CAMTA1: variants seen among roughly 807,000 people sequenced by gnomAD.
CAMTA1 encodes the protein calmodulin binding transcription activator 1.
CAMTA1 carries 27 observed loss-of-function variants against 170.9 expected under a neutral mutation model. The ratio of observed to expected loss-of-function variants is 0.16; its 90% confidence interval spans 0.12 to 0.22. The LOEUF (loss-of-function observed/expected upper bound fraction) is 0.22. Among genes scored for constraint, CAMTA1 ranks in the 10% least tolerant of loss-of-function variants. The pLI is 1.00. For synonymous variants in CAMTA1, 833 were observed against 891.5 expected (o/e 0.93, Z 1.17); for missense variants, 1,619 against 2,217.2 (o/e 0.73, Z 5.42).
At position 7,171,974 on chromosome 1, in the gene CAMTA1, A is replaced by G. The variant is rs115001827; in HGVS notation, c.303-77517A>G. ...CCTCTTCGTGGTGGAATAATTGTCT[A>G]TTGTACTGGACCACATTTTGTTTAT... is the stretch of plus-strand genomic sequence containing the variant. On this transcript the variant is annotated intron_variant, in intron 4 of 22. Coordinates refer to ENST00000303635, the MANE Select transcript of CAMTA1 (RefSeq NM_015215.4). Among the ~76,000 whole-genome samples, 491 of 152,298 alleles carry G rather than the reference A, an allele frequency of 3.2e-3. 5 individuals are homozygous for G. Among genetic ancestry groups the G allele is most frequent in the African/African-American group, 0.011 (453 of 41,558 alleles).
chr1:7,352,173 G>A (rs2084730159), intron 5 of CAMTA1, among the ~76,000 whole-genome samples: 2 of 145,194 alleles, frequency 1.4e-5, no homozygotes, highest in African/African-American at 5.7e-5. Flanking sequence ...GAGAGAAGGA[G>A]GAAGTGGGCG....
chr1:6,876,404 C>T (rs1033227060), intron 3 of CAMTA1, among the ~76,000 whole-genome samples: 2 of 151,548 alleles, frequency 1.3e-5, no homozygotes, highest in Non-Finnish European at 2.9e-5. Context: ...TCTTGTCGCC[C>T]AGGCTGGAGT....
chr1:7,590,882 C>A (rs753972122), intron 6 of CAMTA1, among the ~76,000 whole-genome samples: 1 of 152,182 alleles, frequency 6.6e-6, no homozygotes, highest in African/African-American at 2.4e-5. Flanking sequence ...CCAGACAAAA[C>A]CTCTCTAATT....
At chr1:7,055,521 G>A (rs1254152278) in intron 3 of CAMTA1, among the ~76,000 whole-genome samples, 5 of 152,180 alleles carry the variant, frequency 3.3e-5, no homozygotes, top group South Asian at 2.1e-4. Flanking sequence ...CACAATACAC[G>A]TGTTAGACTG....
rs138252406 is a variant in CAMTA1, at chr1:7,650,023, C to T, written c.664+9470C>T. Among the ~76,000 whole-genome samples, 814 of 152,316 alleles carry T rather than the reference C, an allele frequency of 5.3e-3. 12 individuals are homozygous for T. The South Asian group carries it at 0.069, about 13-fold the overall frequency. ...GTGGACCGAGCCTGGCTTCCTGCGG[C>T]GCTACCTCCCCACACACCAGGAGGC... On this transcript the variant is annotated intron_variant, in intron 7 of 22. Transcript: ENST00000303635.
Position 7,234,172 on chromosome 1 carries a change from G to A in CAMTA1, c.303-15319G>A, listed in dbSNP as rs374188819. ...TTGGGGTGAGCCGCTCTCTCGCCCC[G>A]TCTCCTGCCCCTGCCCTGTTCTTTG... On this transcript the variant is annotated intron_variant, in intron 4 of 22. Coordinates refer to ENST00000303635, the MANE Select transcript of CAMTA1 (RefSeq NM_015215.4). This position sits in a 1 kb window ranked among gnomAD's most constrained non-coding sequence, Gnocchi z 5.0. 3.3e-5 allele frequency among the ~76,000 whole-genome samples: 5 copies of A among 152,078 alleles called. No individual in the cohort carries two copies. Among genetic ancestry groups the A allele is most frequent in the East Asian group, 3.9e-4 (2 of 5,182 alleles).
chr1:7,689,410 C>T (rs942403420), intron 11 of CAMTA1, among the ~76,000 whole-genome samples: 4 of 150,158 alleles, frequency 2.7e-5, no homozygotes, highest in East Asian at 4.0e-4. Flanking sequence ...CCTGTCTTGA[C>T]AAAAAATACA....
In CAMTA1 at chr1:6,807,138, G is replaced by A. The variant is rs1221173042; in HGVS notation, c.46-13043G>A. On this transcript the variant is annotated intron_variant, in intron 1 of 22. Coordinates refer to ENST00000303635, the MANE Select transcript of CAMTA1 (RefSeq NM_015215.4). ...ATTTGACTAATCTGCAAGGTTGGGG[G>A]AGGCTTCTTGAGAGCTCTGGAGGAA... The A allele has an allele frequency of 1.8e-5, 9 of 486,722 alleles. No homozygotes were observed. In the South Asian group the frequency reaches 2.8e-4, roughly 15 times the overall value. 30.2% of individuals were successfully genotyped at this position (486,722 alleles called of 1,614,324 possible).
intron 4 of CAMTA1, among the ~76,000 whole-genome samples, chr1:7,199,157 C>T (rs1573839076): frequency 5.0e-5 from 1 of 19,840 alleles, no homozygotes; most frequent in Admixed American, 3.6e-4. Context: ...TTTACTGATG[C>T]CCCCCCCAAC....
chr1:7,094,409 A>G (rs1308131268), intron 4 of CAMTA1, among the ~76,000 whole-genome samples: 1 of 152,250 alleles, frequency 6.6e-6, no homozygotes, highest in Non-Finnish European at 1.5e-5. Flanking sequence ...TGCCGCCGCC[A>G]CTGCTAATTT....
intron 3 of CAMTA1, among the ~76,000 whole-genome samples, chr1:6,954,023 C>G (rs918076571): frequency 2.0e-5 from 3 of 152,198 alleles, no homozygotes; most frequent in African/African-American, 7.2e-5. Context: ...CAGGCCCCTG[C>G]CTGGGAAGGA....
chr1:7,069,563 G>A (rs1189333219), intron 3 of CAMTA1, among the ~76,000 whole-genome samples: 1 of 152,122 alleles, frequency 6.6e-6, no homozygotes, highest in East Asian at 1.9e-4. Flanking sequence ...GACCGTTTGG[G>A]CCATCTGGTC....
At chr1:7,175,583 G>A (rs1471968945) in intron 4 of CAMTA1, among the ~76,000 whole-genome samples, 2 of 152,252 alleles carry the variant, frequency 1.3e-5, no homozygotes, top group African/African-American at 4.8e-5. Context: ...GGAATTGCGT[G>A]GGGGGCTGCA....
intron 3 of CAMTA1, among the ~76,000 whole-genome samples, chr1:7,042,093 C>T (rs117086833): frequency 6.6e-6 from 1 of 152,260 alleles, no homozygotes; most frequent in East Asian, 1.9e-4. Context: ...AGGTTTGTTC[C>T]AGGATACCCT....
At chr1:7,631,621 T>C (rs1341392578) in intron 6 of CAMTA1, among the ~76,000 whole-genome samples, 2 of 152,160 alleles carry the variant, frequency 1.3e-5, no homozygotes, top group African/African-American at 4.8e-5. Flanking sequence ...GTACTATGCA[T>C]TGGAGCCATC....
At chr1:6,957,581 T>C (rs1454206016) in intron 3 of CAMTA1, among the ~76,000 whole-genome samples, 1 of 152,176 alleles carries the variant, frequency 6.6e-6, no homozygotes, top group Non-Finnish European at 1.5e-5. Flanking sequence ...AAGTCAAGTC[T>C]CTTTCAGAGA....
At chr1:6,829,996 A>G (rs1403348496) in intron 3 of CAMTA1, among the ~76,000 whole-genome samples, 1 of 151,324 alleles carries the variant, frequency 6.6e-6, no homozygotes, top group Non-Finnish European at 1.5e-5. Context: ...GTTTTCTCCT[A>G]CGTGTATTTT....
chr1:7,069,426 A>G (rs999912124), intron 3 of CAMTA1, among the ~76,000 whole-genome samples: 3 of 152,130 alleles, frequency 2.0e-5, no homozygotes, highest in Non-Finnish European at 4.4e-5. Context: ...CAGTGATCAT[A>G]TTTTCCAAAC....
At chr1:6,976,677 C>T (rs549287459) in intron 3 of CAMTA1, among the ~76,000 whole-genome samples, 26 of 152,166 alleles carry the variant, frequency 1.7e-4, no homozygotes, top group African/African-American at 4.6e-4. Context: ...CCAAGCTCTC[C>T]GTGAAGGATG....
Sources: gnomAD v4.1 joint callset for allele counts (sites outside exome capture counted in the v4.1 genomes callset) on GRCh38, gnomAD v4.1.1 for gene constraint, Gnocchi (gnomAD v3.1) non-coding constraint, MANE v1.5 for transcripts, NCBI Gene and HGNC (gene_info 2026-07-23, HGNC 2026-07-21) for gene names.